The following KIAA1217 variants were observed in gnomAD, a reference collection of about 807,000 sequenced individuals.
The protein encoded by KIAA1217 is sickle tail protein homolog.
A neutral mutation model predicts 163.9 loss-of-function variants in KIAA1217; 88 were observed. That is an observed-to-expected ratio of 0.54 (90% CI 0.45 to 0.64). The LOEUF (loss-of-function observed/expected upper bound fraction) is 0.64. Among genes scored for constraint, KIAA1217 ranks in the 30% least tolerant of loss-of-function variants. The pLI, the probability that KIAA1217 is intolerant of heterozygous loss-of-function variation, is 0.00. For missense variants in KIAA1217, 2,372 were observed against 2,475.0 expected, an observed-to-expected ratio of 0.96 and a Z score of 0.88; for synonymous variants, 903 against 923.1, an observed-to-expected ratio of 0.98 and a Z score of 0.39.
chr10:24,230,512 T>TTG (rs1398597136), intron 2 of KIAA1217, among the ~76,000 whole-genome samples: 2 of 141,480 alleles, frequency 1.4e-5, no homozygotes, highest in South Asian at 2.4e-4. Flanking sequence ...GTTTTTTTTT[T>TTG]TTTTTTTTTT....
intron 1 of KIAA1217, among the ~76,000 whole-genome samples, chr10:24,000,858 A>G (rs1421755841): frequency 6.6e-6 from 1 of 152,236 alleles, no homozygotes; most frequent in Admixed American, 6.5e-5. Flanking sequence ...TGTGTGTTCA[A>G]ATGGGCACTG....
At chr10:24,143,184 G>A (rs1479919510) in intron 2 of KIAA1217, among the ~76,000 whole-genome samples, 1 of 152,138 alleles carries the variant, frequency 6.6e-6, no homozygotes, top group African/African-American at 2.4e-5. Context: ...AGCCATTTGG[G>A]TTGCAGCTGT....
rs756871638 is a variant in KIAA1217 at position 24,473,795 on chromosome 10, C to T, written c.1414C>T (p.Pro472Ser). 4 of 1,614,168 alleles carry T rather than the reference C, an allele frequency of 2.5e-6. No individual in the cohort carries two copies. The highest frequency in any genetic ancestry group is 3.3e-5 in the Admixed American group (2 of 60,020). ...HLPTLGSKTP[P>S]ASPHRVSDLR... ...GCCTACACTGGGCTCCAAAACACCC[C>T]CTGCCTCTCCTCACAGAGTCAGTGA... Residue 472 changes from proline to serine, a missense_variant, in exon 6 of 21, where the codon CCT becomes TCT. Around this residue, in one of 3 missense-constraint regions of KIAA1217, gnomAD observed 1,431 missense variants for 1,470.3 expected, o/e 0.97. Coordinates refer to ENST00000376454, the MANE Select transcript of KIAA1217 (RefSeq NM_019590.5).
chr10:24,476,771 G>A (rs567327119), intron 6 of KIAA1217, among the ~76,000 whole-genome samples: 2 of 151,934 alleles, frequency 1.3e-5, no homozygotes, highest in South Asian at 2.1e-4. Flanking sequence ...GGTATATGTG[G>A]GCCGGTTAGA....
intron 2 of KIAA1217, among the ~76,000 whole-genome samples, chr10:24,312,576 G>A (rs1227368175): frequency 6.6e-6 from 1 of 152,136 alleles, no homozygotes; most frequent in Non-Finnish European, 1.5e-5. Flanking sequence ...CCAGGATTGT[G>A]CCACTGCACT....
At chr10:23,824,650 AT>A (rs58841632) in intron 1 of KIAA1217, among the ~76,000 whole-genome samples, 15,247 of 58,896 alleles carry the variant, frequency 0.26, 2,067 homozygotes, top group East Asian at 0.32. Flanking sequence ...AAAAAAAAAA[AT>A]AAAAAAAATA....
chr10:24,020,650 G>C (rs907565087), intron 2 of KIAA1217, among the ~76,000 whole-genome samples: 1 of 151,950 alleles, frequency 6.6e-6, no homozygotes, highest in African/African-American at 2.4e-5. Flanking sequence ...AAGCCTTATC[G>C]CTTGAGGTGT....
At chr10:24,451,398 C>A (rs2132291142) in intron 5 of KIAA1217, among the ~76,000 whole-genome samples, 1 of 152,320 alleles carries the variant, frequency 6.6e-6, no homozygotes, top group South Asian at 2.1e-4. Flanking sequence ...GCTCAGCTGC[C>A]TGAGAGCCCG....
chr10:24,411,658 A>G (rs2057782191), intron 3 of KIAA1217, among the ~76,000 whole-genome samples: 1 of 152,216 alleles, frequency 6.6e-6, no homozygotes, highest in South Asian at 2.1e-4. Flanking sequence ...ATTTTCTTAA[A>G]TTGAGACATC....
intron 11 of KIAA1217, 94 bp from the exon 12 acceptor site, chr10:24,521,688 A>C: frequency 6.9e-7 from 1 of 1,456,622 alleles, no homozygotes; most frequent in South Asian, 1.3e-5. Flanking sequence ...TGGCTTGTGA[A>C]CTCTGCACTT....
chr10:24,071,425 C>G (rs778201857), intron 2 of KIAA1217, among the ~76,000 whole-genome samples: 11 of 152,058 alleles, frequency 7.2e-5, no homozygotes, highest in Non-Finnish European at 1.5e-4. Context: ...CTTAAGTAAT[C>G]TCAGCATTTC....
At chr10:23,758,204 C>T (rs1834019741) in intron 1 of KIAA1217, among the ~76,000 whole-genome samples, 1 of 152,212 alleles carries the variant, frequency 6.6e-6, no homozygotes, top group South Asian at 2.1e-4. Context: ...ACATTTAGGT[C>T]TTTGATTCAT....
intron 1 of KIAA1217, among the ~76,000 whole-genome samples, chr10:23,754,237 G>T (rs919475335): frequency 3.9e-5 from 6 of 152,130 alleles, no homozygotes; most frequent in Non-Finnish European, 7.3e-5. Context: ...GCAATGCATG[G>T]GTGCATCAGA....
intron 1 of KIAA1217, among the ~76,000 whole-genome samples, chr10:23,814,012 T>C (rs750350437): frequency 6.6e-6 from 1 of 152,162 alleles, no homozygotes; most frequent in African/African-American, 2.4e-5. Context: ...TGACAAAGCT[T>C]TCACAGTAGT....
At chr10:23,981,302 A>G (rs1007730779) in intron 1 of KIAA1217, among the ~76,000 whole-genome samples, 3 of 152,244 alleles carry the variant, frequency 2.0e-5, no homozygotes, top group Non-Finnish European at 4.4e-5. Flanking sequence ...TTCCTGAAAT[A>G]GCTGCTTTGA....
At chr10:24,059,806 C>G (rs569681604) in intron 2 of KIAA1217, among the ~76,000 whole-genome samples, 5 of 152,244 alleles carry the variant, frequency 3.3e-5, no homozygotes, top group African/African-American at 1.2e-4. Flanking sequence ...ACCTCACGAT[C>G]CGCCCACCTC....
At chr10:24,047,200 T>A (rs1849095895) in intron 2 of KIAA1217, among the ~76,000 whole-genome samples, 1 of 152,142 alleles carries the variant, frequency 6.6e-6, no homozygotes, top group Admixed American at 6.6e-5. Context: ...CCTGCAGACA[T>A]GAGTATACAC....
intron 2 of KIAA1217, among the ~76,000 whole-genome samples, chr10:24,309,346 GCGCGCACA>G (rs1387254446): frequency 1.8e-4 from 24 of 133,720 alleles, no homozygotes; most frequent in East Asian, 1.4e-3. Context: ...GCGCACGCGC[GCGCGCACA>G]CACACACACA....
intron 1 of KIAA1217, among the ~76,000 whole-genome samples, chr10:23,795,220 C>T (rs891931455): frequency 6.6e-6 from 1 of 152,176 alleles, no homozygotes; most frequent in African/African-American, 2.4e-5. Context: ...CTCCTTATCT[C>T]CACTTCATTT....
Sources: gnomAD v4.1 joint callset for allele counts (sites outside exome capture counted in the v4.1 genomes callset) on GRCh38, gnomAD v4.1.1 for gene constraint, gnomAD v4.1.1 regional missense constraint, MANE v1.5 for transcripts, NCBI Gene and HGNC (gene_info 2026-07-23, HGNC 2026-07-21) for gene names.